The following CACHD1 variants were observed in gnomAD, a reference collection of about 807,000 sequenced individuals.
CACHD1 encodes the protein VWFA and cache domain-containing protein 1.
In CACHD1, 71 loss-of-function variants were observed where a neutral mutation model predicts 138.7. The ratio of observed to expected loss-of-function variants is 0.51; its 90% confidence interval spans 0.42 to 0.62. CACHD1 has a LOEUF of 0.62. Among genes scored for constraint, CACHD1 ranks in the 20% least tolerant of loss-of-function variants. The pLI is 0.00. For synonymous variants in CACHD1, 578 were observed against 591.5 expected (o/e 0.98, Z 0.33); for missense variants, 1,389 against 1,625.3 (o/e 0.85, Z 2.50).
intron 1 of CACHD1, among the ~76,000 whole-genome samples, chr1:64,504,183 C>T (rs1327435567): frequency 2.0e-5 from 3 of 152,110 alleles, no homozygotes; most frequent in Admixed American, 6.5e-5. Context: ...CGTGTGCTAC[C>T]ATGCCTGGCT....
intron 2 of CACHD1, among the ~76,000 whole-genome samples, chr1:64,575,002 T>G (rs202125725): frequency 6.6e-6 from 1 of 152,242 alleles, no homozygotes; most frequent in African/African-American, 2.4e-5. Context: ...AGTTTATTAC[T>G]TATAGCTTTA....
intron 1 of CACHD1, among the ~76,000 whole-genome samples, chr1:64,529,361 A>G (rs1646564196): frequency 6.6e-6 from 1 of 152,182 alleles, no homozygotes; most frequent in African/African-American, 2.4e-5. Context: ...CTGGTCCTGT[A>G]ATTAACCAGC....
chr1:64,499,214 A>G (rs1646323923), intron 1 of CACHD1, among the ~76,000 whole-genome samples: 1 of 152,196 alleles, frequency 6.6e-6, no homozygotes. Flanking sequence ...TTATCATGTT[A>G]GAGGACTTGA....
intron 1 of CACHD1, among the ~76,000 whole-genome samples, chr1:64,502,218 T>C (rs1201217592): frequency 6.6e-6 from 1 of 152,238 alleles, no homozygotes; most frequent in African/African-American, 2.4e-5. Context: ...AGCTGTGAAC[T>C]TATCCTGTAA....
At chr1:64,519,276 C>G (rs1646480603) in intron 1 of CACHD1, among the ~76,000 whole-genome samples, 1 of 152,136 alleles carries the variant, frequency 6.6e-6, no homozygotes, top group Non-Finnish European at 1.5e-5. Context: ...ATTCCAGATG[C>G]TAAATGATCT....
chr1:64,675,269 A>T, intron 19 of CACHD1, 132 bp from the exon 20 acceptor site: 1 of 637,346 alleles, frequency 1.6e-6, no homozygotes, highest in Non-Finnish European at 2.5e-6. Context: ...ATTTTTTAAC[A>T]GTGACTTTTG....
chr1:64,495,691 CTT>C (rs11302911), intron 1 of CACHD1, among the ~76,000 whole-genome samples: 4,957 of 147,680 alleles, frequency 0.034, 282 homozygotes, highest in African/African-American at 0.11. Context: ...AAGAGAATTA[CTT>C]TTTTTTTTTT....
At chr1:64,665,115 T>C (rs972468261) in intron 15 of CACHD1, among the ~76,000 whole-genome samples, 1 of 152,084 alleles carries the variant, frequency 6.6e-6, no homozygotes, top group Non-Finnish European at 1.5e-5. Context: ...AAGCAAGAGC[T>C]AACAATGTGC....
intron 1 of CACHD1, among the ~76,000 whole-genome samples, chr1:64,508,176 A>G (rs1646391627): frequency 1.3e-5 from 2 of 152,144 alleles, no homozygotes; most frequent in South Asian, 4.1e-4. Flanking sequence ...CATTATCATG[A>G]GAAGAGCAAG....
At chr1:64,492,338 C>T (rs1055377059) in intron 1 of CACHD1, among the ~76,000 whole-genome samples, 1 of 145,624 alleles carries the variant, frequency 6.9e-6, no homozygotes, top group African/African-American at 2.5e-5. Flanking sequence ...GAGAAAAATA[C>T]GGGGAAGGAT....
intron 1 of CACHD1, among the ~76,000 whole-genome samples, chr1:64,531,619 A>G (rs1172335706): frequency 6.6e-6 from 1 of 152,160 alleles, no homozygotes; most frequent in Non-Finnish European, 1.5e-5. Context: ...AAACAAGGTC[A>G]ACAAGACCAT....
chr1:64,648,381 A>G (rs1208504994), intron 9 of CACHD1, among the ~76,000 whole-genome samples: 5 of 152,222 alleles, frequency 3.3e-5, no homozygotes, highest in Non-Finnish European at 7.3e-5. Context: ...TCGCACAAAC[A>G]TGGGCCTGGC....
intron 15 of CACHD1, 86 bp downstream of exon 15, chr1:64,664,765 G>A: frequency 1.7e-6 from 2 of 1,169,922 alleles, no homozygotes; most frequent in Non-Finnish European, 2.4e-6. Context: ...GCAACTTCAG[G>A]GCATTAAACT....
chr1:64,562,066 C>T (rs1042517056), intron 2 of CACHD1, among the ~76,000 whole-genome samples: 10 of 152,120 alleles, frequency 6.6e-5, no homozygotes, highest in African/African-American at 2.4e-4. Flanking sequence ...ATTATTCTGG[C>T]TGCGCTCAAG....
At chr1:64,603,173 C>T (rs145989149) in intron 4 of CACHD1, among the ~76,000 whole-genome samples, 1,446 of 139,874 alleles carry the variant, frequency 0.01, 21 homozygotes, top group South Asian at 0.036. Flanking sequence ...GCCGCGATCT[C>T]GGCTCACTGC....
chr1:64,614,818 C>A (rs1011823510), intron 4 of CACHD1, among the ~76,000 whole-genome samples: 1 of 152,106 alleles, frequency 6.6e-6, no homozygotes, highest in Non-Finnish European at 1.5e-5. Context: ...AAATTTAGAT[C>A]CTCATTTCTC....
At chr1:64,589,477 T>TGTGTGTGTGCGTGC in intron 3 of CACHD1, among the ~76,000 whole-genome samples, 1 of 151,890 alleles carries the variant, frequency 6.6e-6, no homozygotes, top group South Asian at 2.1e-4. Flanking sequence ...CAATAGCGTG[T>TGTGTGTGTGCGTGC]GTGTGTGTGC....
chr1:64,475,003 T>C (rs1027590410), intron 1 of CACHD1, among the ~76,000 whole-genome samples: 1 of 152,078 alleles, frequency 6.6e-6, no homozygotes. Context: ...TCAACTCCAA[T>C]TGAAGAAAAA....
chr1:64,660,887 G>C (rs1272694108), intron 13 of CACHD1, among the ~76,000 whole-genome samples: 1 of 152,130 alleles, frequency 6.6e-6, no homozygotes, highest in African/African-American at 2.4e-5. Context: ...GGATCGCATT[G>C]CATTTCAGTT....
Sources: gnomAD v4.1 joint callset for allele counts (sites outside exome capture counted in the v4.1 genomes callset) on GRCh38, gnomAD v4.1.1 for gene constraint, MANE v1.5 for transcripts, NCBI Gene and HGNC (gene_info 2026-07-23, HGNC 2026-07-21) for gene names.